The following RFX3 variants were observed in gnomAD, a reference collection of about 807,000 sequenced individuals.
The protein encoded by RFX3 is transcription factor RFX3.
RFX3 carries 14 observed loss-of-function variants against 98.6 expected under a neutral mutation model. The observed-to-expected ratio is 0.14, with a 90% confidence interval of 0.09 to 0.22. The LOEUF (loss-of-function observed/expected upper bound fraction) is 0.22, where lower values mean the gene tolerates loss of function less well. Among genes scored for constraint, RFX3 ranks in the 10% least tolerant of loss-of-function variants. The probability of loss-of-function intolerance (pLI) is 1.00; values close to 1 mark genes in which losing one functional copy is unlikely to be tolerated. For synonymous variants in RFX3, 383 were observed against 328.4 expected (o/e 1.17, Z -1.80); for missense variants, 639 against 926.9 (o/e 0.69, Z 4.03).
intron 15 of RFX3, among the ~76,000 whole-genome samples, chr9:3,233,337 C>T (rs924074965): frequency 2.0e-5 from 3 of 152,192 alleles, no homozygotes; most frequent in Non-Finnish European, 4.4e-5. Context: ...GTATCTATAC[C>T]TGAGCATACT....
intron 13 of RFX3, 43 bp downstream of exon 13, chr9:3,262,892 G>T (rs1168000302): frequency 1.3e-6 from 2 of 1,591,314 alleles, no homozygotes; most frequent in Admixed American, 3.4e-5. Context: ...AACAAATTGG[G>T]TATCTTTCCT....
At chr9:3,291,444 C>G (rs900645488) in intron 6 of RFX3, among the ~76,000 whole-genome samples, 1 of 151,676 alleles carries the variant, frequency 6.6e-6, no homozygotes, top group Non-Finnish European at 1.5e-5. Context: ...ACAGACCTTG[C>G]TGAGTTTCCC....
intron 2 of RFX3, among the ~76,000 whole-genome samples, chr9:3,369,978 G>A (rs1019489650): frequency 1.7e-3 from 257 of 149,538 alleles, no homozygotes; most frequent in Non-Finnish European, 2.9e-3. Flanking sequence ...ACAGGCGCCC[G>A]CCACTACGCC....
intron 14 of RFX3, among the ~76,000 whole-genome samples, chr9:3,250,788 A>G (rs1821295291): frequency 6.6e-6 from 1 of 152,138 alleles, no homozygotes; most frequent in Non-Finnish European, 1.5e-5. Flanking sequence ...ATAAGTAGTA[A>G]CATACAAAGA....
At chr9:3,477,307 G>A (rs923358902) in intron 1 of RFX3, among the ~76,000 whole-genome samples, 5 of 151,940 alleles carry the variant, frequency 3.3e-5, no homozygotes, top group African/African-American at 1.2e-4. Context: ...TTCTTCACAC[G>A]GATTAAAATT....
chr9:3,375,734 G>A (rs1374222045), intron 2 of RFX3, among the ~76,000 whole-genome samples: 1 of 152,164 alleles, frequency 6.6e-6, no homozygotes, highest in Non-Finnish European at 1.5e-5. Context: ...GCCAAGGCGG[G>A]TGGATCACAA....
chr9:3,344,608 CT>C, intron 3 of RFX3: 2 of 527,722 alleles, frequency 3.8e-6, no homozygotes, highest in Non-Finnish European at 3.4e-6. Flanking sequence ...TTCAACTGCC[CT>C]TTTCCCTTGT....
At chr9:3,357,680 T>C (rs1239912049) in intron 2 of RFX3, among the ~76,000 whole-genome samples, 1 of 151,954 alleles carries the variant, frequency 6.6e-6, no homozygotes, top group African/African-American at 2.4e-5. Flanking sequence ...TATTTGGTAG[T>C]ATAGTAGGGA....
At chr9:3,268,620 T>A (rs1010272773) in intron 11 of RFX3, among the ~76,000 whole-genome samples, 12 of 151,920 alleles carry the variant, frequency 7.9e-5, no homozygotes, top group African/African-American at 2.9e-4. Flanking sequence ...ACTATTCGGG[T>A]GTCTGCTTAA....
intron 4 of RFX3, among the ~76,000 whole-genome samples, chr9:3,320,932 G>A (rs1831225440): frequency 6.6e-6 from 1 of 151,448 alleles, no homozygotes; most frequent in Non-Finnish European, 1.5e-5. Context: ...TTGAGACAGA[G>A]TCTCTGTTGC....
chr9:3,500,934 T>C (rs942761080), intron 1 of RFX3, among the ~76,000 whole-genome samples: 1 of 152,204 alleles, frequency 6.6e-6, no homozygotes, highest in African/African-American at 2.4e-5. Context: ...CTTAGGACCC[T>C]GTCAATACTA....
rs566573760 is a variant in RFX3 at position 3,524,673 on chromosome 9, G to A, written c.-9+1074C>T. 4.9e-5 allele frequency: 47 copies of A among 967,118 alleles called. No homozygotes were observed. The African/African-American group carries it at 6.5e-4, about 13-fold the overall frequency. The allele number at this position is 967,118 out of a possible 1,614,324, so 59.9% of individuals were successfully genotyped here. A position where few individuals can be genotyped will look rare whatever the true frequency, so the allele number is the denominator to read the frequency against. On this transcript the variant is annotated intron_variant, in intron 1 of 16. Transcript: ENST00000617270. ...CATCACAAAGTCTCATAATCACAAT[G>A]AAAATTGTTAACACTCTACTGCGGG...
At chr9:3,405,875 C>T (rs576017217) in intron 1 of RFX3, among the ~76,000 whole-genome samples, 1 of 152,314 alleles carries the variant, frequency 6.6e-6, no homozygotes, top group South Asian at 2.1e-4. Context: ...CTCCTGCCTA[C>T]TGTCTCCCCA....
chr9:3,335,191 T>C (rs998199303), intron 3 of RFX3, among the ~76,000 whole-genome samples: 1 of 152,088 alleles, frequency 6.6e-6, no homozygotes, highest in Non-Finnish European at 1.5e-5. Context: ...AAGGCAAGCA[T>C]GAACCCACTT....
intron 4 of RFX3, among the ~76,000 whole-genome samples, chr9:3,309,123 G>C (rs115722004): frequency 6.6e-6 from 1 of 152,118 alleles, no homozygotes; most frequent in Non-Finnish European, 1.5e-5. Context: ...GATTCTGTAC[G>C]ACAGAGAACG....
At chr9:3,408,130 C>A (rs1245242884) in intron 1 of RFX3, among the ~76,000 whole-genome samples, 3 of 152,168 alleles carry the variant, frequency 2.0e-5, no homozygotes, top group Non-Finnish European at 4.4e-5. Context: ...GAGCCTCTGG[C>A]ACAGGTGCCA....
intron 1 of RFX3, among the ~76,000 whole-genome samples, chr9:3,508,929 C>G (rs551604009): frequency 6.6e-6 from 1 of 151,554 alleles, no homozygotes; most frequent in Non-Finnish European, 1.5e-5. Flanking sequence ...TCTGAGCTCA[C>G]TGATTTACTT....
intron 4 of RFX3, among the ~76,000 whole-genome samples, chr9:3,313,592 T>A (rs1476445903): frequency 3.9e-5 from 6 of 152,122 alleles, no homozygotes; most frequent in African/African-American, 1.4e-4. Context: ...AGGAGGATGT[T>A]CGAACCCATC....
intron 1 of RFX3, among the ~76,000 whole-genome samples, chr9:3,450,679 G>C (rs1846521950): frequency 6.6e-6 from 1 of 151,970 alleles, no homozygotes; most frequent in African/African-American, 2.4e-5. Context: ...ACCATGTTTT[G>C]AAGTTTTGCC....
Sources: gnomAD v4.1 joint callset for allele counts (sites outside exome capture counted in the v4.1 genomes callset) on GRCh38, gnomAD v4.1.1 for gene constraint, MANE v1.5 for transcripts, NCBI Gene and HGNC (gene_info 2026-07-23, HGNC 2026-07-21) for gene names.